The following CPA6 variants were observed in gnomAD, a reference collection of about 807,000 sequenced individuals.
The protein encoded by CPA6 is carboxypeptidase B.
CPA6 carries 58 observed loss-of-function variants against 63.3 expected under a neutral mutation model. That is an observed-to-expected ratio of 0.92 (90% confidence interval 0.74 to 1.14). The LOEUF is 1.14. Ranked by LOEUF, CPA6 falls within the 50% of genes most tolerant of loss-of-function variation. The pLI, the probability that CPA6 is intolerant of heterozygous loss-of-function variation, is 0.00. For synonymous variants in CPA6, 185 were observed against 179.0 expected (o/e 1.03, Z -0.27); for missense variants, 565 against 526.6 (o/e 1.07, Z -0.71).
chr8:67,640,120 G>C (rs1342049406), intron 1 of CPA6, among the ~76,000 whole-genome samples: 1 of 151,328 alleles, frequency 6.6e-6, no homozygotes, highest in African/African-American at 2.5e-5. Context: ...CCATGGGTGG[G>C]CGTGGAAAAG....
chr8:67,723,016 C>G (rs1234261301), intron 1 of CPA6, among the ~76,000 whole-genome samples: 1 of 151,966 alleles, frequency 6.6e-6, no homozygotes, highest in East Asian at 1.9e-4. Flanking sequence ...CAGCACATTT[C>G]CAAAATAGAA....
intron 1 of CPA6, among the ~76,000 whole-genome samples, chr8:67,666,587 C>T (rs1816232502): frequency 6.6e-6 from 1 of 152,160 alleles, no homozygotes; most frequent in South Asian, 2.1e-4. Context: ...TGTGGAATAG[C>T]AGCCCAGTGA....
At chr8:67,447,004 AT>A (rs1216052361) in intron 8 of CPA6, among the ~76,000 whole-genome samples, 9 of 140,010 alleles carry the variant, frequency 6.4e-5, no homozygotes, top group African/African-American at 2.6e-4. Context: ...ACACATTCAT[AT>A]ATATATATAC....
At chr8:67,477,436 C>G (rs966855911) in intron 8 of CPA6, among the ~76,000 whole-genome samples, 3 of 151,498 alleles carry the variant, frequency 2.0e-5, no homozygotes, top group Non-Finnish European at 4.4e-5. Flanking sequence ...GGTTGTTAAG[C>G]AAAGAATACT....
intron 1 of CPA6, among the ~76,000 whole-genome samples, chr8:67,713,095 G>GTATATATATATATATATA (rs755642095): frequency 1.2e-5 from 1 of 86,360 alleles, no homozygotes; most frequent in Non-Finnish European, 2.2e-5. Context: ...GTGTGTGTGT[G>GTATATATATATATATATA]TGTGTATATA....
chr8:67,563,455 C>CT (rs1813262891), intron 2 of CPA6, among the ~76,000 whole-genome samples: 1 of 152,118 alleles, frequency 6.6e-6, no homozygotes, highest in Non-Finnish European at 1.5e-5. Context: ...TAAATATCAC[C>CT]TTTTTTTCTA....
chr8:67,631,087 G>A (rs1338278421), intron 1 of CPA6, among the ~76,000 whole-genome samples: 2 of 152,222 alleles, frequency 1.3e-5, no homozygotes, highest in Non-Finnish European at 2.9e-5. Context: ...GACCACCCAA[G>A]GGCTGAGGAG....
At chr8:67,438,266 C>A (rs1000201249) in intron 8 of CPA6, among the ~76,000 whole-genome samples, 3 of 151,958 alleles carry the variant, frequency 2.0e-5, no homozygotes, top group Non-Finnish European at 4.4e-5. Context: ...TATTGTGCAC[C>A]AAACAAAAGA....
chr8:67,517,137 A>T (rs534944083), intron 3 of CPA6, among the ~76,000 whole-genome samples: 34 of 151,408 alleles, frequency 2.2e-4, no homozygotes, highest in Middle Eastern at 3.4e-3. Flanking sequence ...TTTTTTTTTT[A>T]AAACCAACCC....
intron 2 of CPA6, among the ~76,000 whole-genome samples, chr8:67,567,095 A>G (rs1348533648): frequency 6.6e-6 from 1 of 152,236 alleles, no homozygotes; most frequent in Non-Finnish European, 1.5e-5. Flanking sequence ...AGAGAGTAGT[A>G]GACTTACAGT....
intron 3 of CPA6, among the ~76,000 whole-genome samples, chr8:67,514,117 C>T (rs1418973607): frequency 6.6e-6 from 1 of 152,026 alleles, no homozygotes; most frequent in Non-Finnish European, 1.5e-5. Context: ...ACCAACATGC[C>T]TGGCTAATTT....
intron 2 of CPA6, among the ~76,000 whole-genome samples, chr8:67,523,486 G>T (rs1812301020): frequency 6.6e-6 from 1 of 152,180 alleles, no homozygotes; most frequent in Non-Finnish European, 1.5e-5. Flanking sequence ...CTGAGATGGT[G>T]CCGCTGCACT....
At chr8:67,663,750 C>T (rs760381736) in intron 1 of CPA6, among the ~76,000 whole-genome samples, 1 of 152,166 alleles carries the variant, frequency 6.6e-6, no homozygotes, top group Non-Finnish European at 1.5e-5. Context: ...ATATGTACCA[C>T]ATTTTCTTTG....
At chr8:67,528,215 G>C (rs756770813) in intron 2 of CPA6, among the ~76,000 whole-genome samples, 18 of 152,224 alleles carry the variant, frequency 1.2e-4, no homozygotes, top group Non-Finnish European at 2.4e-4. Context: ...ATTTTGAGAG[G>C]TAGTTTGGGA....
intron 2 of CPA6, among the ~76,000 whole-genome samples, chr8:67,564,867 CA>C: frequency 6.6e-6 from 1 of 152,128 alleles, no homozygotes; most frequent in Non-Finnish European, 1.5e-5. Flanking sequence ...CATTCAGCTG[CA>C]AACAACAAAA....
In CPA6 at chr8:67,589,876, TTTA is replaced by T. The variant is rs754237347; in HGVS notation, c.192+34297_192+34299del. Among the ~76,000 whole-genome samples the T allele has an allele frequency of 5.2e-3, 788 of 150,788 alleles. 2 individuals are homozygous for T. Among genetic ancestry groups the T allele is most frequent in the African/African-American group, 6.8e-3 (281 of 41,174 alleles). On this transcript the variant is annotated intron_variant, in intron 2 of 10. Transcript: ENST00000297770. ...TGTGTGTACTCTGTGTAGTGTTGTT[TTTA>T]TTATTATTATTATTATTATTATATT...
At chr8:67,432,092 T>G (rs1018848046) in intron 9 of CPA6, among the ~76,000 whole-genome samples, 2 of 152,184 alleles carry the variant, frequency 1.3e-5, no homozygotes, top group African/African-American at 4.8e-5. Context: ...GGGTGTCTTT[T>G]GGATGGTAAT....
At chr8:67,676,159 C>T (rs1167806589) in intron 1 of CPA6, among the ~76,000 whole-genome samples, 1 of 152,074 alleles carries the variant, frequency 6.6e-6, no homozygotes, top group Non-Finnish European at 1.5e-5. Context: ...TGCTTTTTAG[C>T]GGGGTTAAGG....
rs1249280734 is a variant in CPA6, at chr8:67,475,890, CTT to C, written c.838+7876_838+7877del. On this transcript the variant is annotated intron_variant, in intron 8 of 10. Transcript: ENST00000297770. ...TTCTTTCTTTCTTTCTCCTTTCTTT[CTT>C]TCTTTCTTTCTTTCTTTCTTTCTTT... is the stretch of plus-strand genomic sequence containing the variant. Among the ~76,000 whole-genome samples, 84 of 43,558 alleles carry C rather than the reference CTT, an allele frequency of 1.9e-3. 1 individual carries two copies. The highest frequency in any genetic ancestry group is 2.9e-3 in the African/African-American group (28 of 9,762). The allele number at this position is 43,558 out of a possible 152,430, so 28.6% of individuals were successfully genotyped here.
Sources: gnomAD v4.1 joint callset for allele counts (sites outside exome capture counted in the v4.1 genomes callset) on GRCh38, gnomAD v4.1.1 for gene constraint, MANE v1.5 for transcripts, NCBI Gene and HGNC (gene_info 2026-07-23, HGNC 2026-07-21) for gene names.